CNOT4: variants seen among roughly 807,000 people sequenced by gnomAD.
The protein encoded by CNOT4 is CCR4-NOT transcription complex subunit 4, also known as CCR4-associated factor 4.
Under a neutral mutation model 73.8 loss-of-function variants are expected in CNOT4, and 8 were observed. That is an observed-to-expected ratio of 0.11 (90% CI 0.06 to 0.20). The LOEUF (loss-of-function observed/expected upper bound fraction) is 0.20, where lower values mean the gene tolerates loss of function less well. CNOT4 is among the 10% of genes least tolerant of loss of function. The probability of loss-of-function intolerance (pLI) is 1.00; values close to 1 mark genes in which losing one functional copy is unlikely to be tolerated. For synonymous variants in CNOT4, 293 were observed against 321.1 expected, an observed-to-expected ratio of 0.91 and a Z score of 0.94; for missense variants, 564 against 883.4, an observed-to-expected ratio of 0.64 and a Z score of 4.58.
At chr7:135,446,143 AG>A (rs1470481456) in intron 1 of CNOT4, among the ~76,000 whole-genome samples, 3 of 152,152 alleles carry the variant, frequency 2.0e-5, no homozygotes, top group Non-Finnish European at 4.4e-5. Flanking sequence ...AGGCTCCCAA[AG>A]TGCTGGGATT....
chr7:135,420,808 CTCTG>C (rs1198132320), intron 3 of CNOT4, among the ~76,000 whole-genome samples: 1 of 151,824 alleles, frequency 6.6e-6, no homozygotes, highest in Non-Finnish European at 1.5e-5. Flanking sequence ...GCAGGATTCT[CTCTG>C]TCTGGGGAAT....
chr7:135,482,405 A>C (rs1271537124), intron 1 of CNOT4, among the ~76,000 whole-genome samples: 1 of 151,940 alleles, frequency 6.6e-6, no homozygotes, highest in Non-Finnish European at 1.5e-5. Flanking sequence ...AAAAATTAAA[A>C]ATCGGTCAGG....
intron 1 of CNOT4, among the ~76,000 whole-genome samples, chr7:135,476,104 T>C (rs1801975950): frequency 6.6e-6 from 1 of 152,056 alleles, no homozygotes; most frequent in Admixed American, 6.6e-5. Context: ...GGTCAAAAAA[T>C]GTAGTAAAAA....
At position 135,364,053 on chromosome 7, in the gene CNOT4, A is replaced by G; in HGVS notation, c.1641T>C (p.Ser547=). 2 of 1,592,358 alleles carry G rather than the reference A, an allele frequency of 1.3e-6. No individual in the cohort carries two copies. Among genetic ancestry groups the G allele is most frequent in the Non-Finnish European group, 1.7e-6 (2 of 1,176,188 alleles). ...ATTCCTTCATATTTAAACTCTCTAC[A>G]GAACTGCTGTTGTCTGGGAGATTTA... ...GGIPVADNSS[S]VESLNMKEWQ... Residue 547 remains serine, a synonymous_variant, in exon 11 of 12, where the codon TCT becomes TCC. Transcript: ENST00000541284. The surrounding 1 kb of genome is among the most constrained non-coding windows in gnomAD (Gnocchi z 4.3).
At chr7:135,501,024 C>A (rs1179656313) in intron 1 of CNOT4, among the ~76,000 whole-genome samples, 1 of 146,416 alleles carries the variant, frequency 6.8e-6, no homozygotes, top group Non-Finnish European at 1.5e-5. Flanking sequence ...CATTCTGTAG[C>A]CCAGGCTGGA....
chr7:135,376,359 T>A (rs946077537), intron 10 of CNOT4, among the ~76,000 whole-genome samples: 4 of 152,196 alleles, frequency 2.6e-5, no homozygotes, highest in South Asian at 2.1e-4. Flanking sequence ...CTGCTTTTTT[T>A]TAATTTTAAT....
chr7:135,454,505 AATTAAAAAATT>A (rs1227031126), intron 1 of CNOT4, among the ~76,000 whole-genome samples: 2 of 97,924 alleles, frequency 2.0e-5, no homozygotes, highest in Non-Finnish European at 2.3e-5. Context: ...ATAAAAAATT[AATTAAAAAATT>A]AAAAAAAAAT....
chr7:135,391,727 C>T (rs1796411923), intron 10 of CNOT4, among the ~76,000 whole-genome samples: 1 of 152,030 alleles, frequency 6.6e-6, no homozygotes, highest in Non-Finnish European at 1.5e-5. Context: ...ATTACCAGTG[C>T]AGCATTCTGA....
At chr7:135,440,838 GAACCC>G (rs1799432402) in intron 1 of CNOT4, among the ~76,000 whole-genome samples, 1 of 151,574 alleles carries the variant, frequency 6.6e-6, no homozygotes, top group African/African-American at 2.4e-5. Flanking sequence ...AGAACTGCTT[GAACCC>G]AGGAGGCGGA....
At chr7:135,488,666 C>T (rs974693192) in intron 1 of CNOT4, among the ~76,000 whole-genome samples, 6 of 152,090 alleles carry the variant, frequency 3.9e-5, no homozygotes, top group Admixed American at 6.5e-5. Flanking sequence ...TCTCTTTCCT[C>T]GTATGTAACT....
rs140487600 is a variant in CNOT4, at chr7:135,364,303, T to C, written c.1628-237A>G. ...GGAGAGGGAGGTTCTTGTCTCTCTA[T>C]AGCCTCTTCACCATTATGGGTTTGT... On this transcript the variant is annotated intron_variant, in intron 10 of 11. Coordinates refer to ENST00000541284, the MANE Select transcript of CNOT4 (RefSeq NM_001190850.2). This position sits in a 1 kb window ranked among gnomAD's most constrained non-coding sequence, Gnocchi z 4.3. 3.9e-5 allele frequency among the ~76,000 whole-genome samples: 6 copies of C among 152,310 alleles called. No individual in the cohort carries two copies. Among genetic ancestry groups the C allele is most frequent in the African/African-American group, 1.4e-4 (6 of 41,584 alleles).
At chr7:135,476,450 C>T (rs999896111) in intron 1 of CNOT4, among the ~76,000 whole-genome samples, 1 of 152,124 alleles carries the variant, frequency 6.6e-6, no homozygotes, top group Non-Finnish European at 1.5e-5. Context: ...AACTATAAAA[C>T]ACTAATTTTA....
At chr7:135,496,303 G>C (rs562973280) in intron 1 of CNOT4, among the ~76,000 whole-genome samples, 2 of 152,266 alleles carry the variant, frequency 1.3e-5, no homozygotes, top group South Asian at 4.1e-4. Flanking sequence ...ATGTTGGCCA[G>C]GCTGGTCTCA....
chr7:135,466,644 TACTC>T (rs1801242538), intron 1 of CNOT4, among the ~76,000 whole-genome samples: 1 of 152,130 alleles, frequency 6.6e-6, no homozygotes, highest in Non-Finnish European at 1.5e-5. Context: ...CCTCAACACT[TACTC>T]ACCAACTCAT....
intron 10 of CNOT4, among the ~76,000 whole-genome samples, chr7:135,391,765 G>T (rs1280217812): frequency 3.3e-5 from 5 of 151,982 alleles, no homozygotes; most frequent in Non-Finnish European, 7.4e-5. Flanking sequence ...AAATATATGG[G>T]TTAAAACTAC....
intron 1 of CNOT4, among the ~76,000 whole-genome samples, chr7:135,499,485 A>T (rs554718464): frequency 1.5e-4 from 22 of 149,306 alleles, no homozygotes; most frequent in South Asian, 4.3e-4. Context: ...TGTATGAATT[A>T]AAAAAAAAAC....
At chr7:135,501,719 C>A (rs532831123) in intron 1 of CNOT4, among the ~76,000 whole-genome samples, 41 of 152,314 alleles carry the variant, frequency 2.7e-4, no homozygotes, top group African/African-American at 9.4e-4. Flanking sequence ...CATAATCTAG[C>A]TCTACCCTAC....
chr7:135,468,575 G>A (rs1266755477), intron 1 of CNOT4, among the ~76,000 whole-genome samples: 1 of 151,892 alleles, frequency 6.6e-6, no homozygotes, highest in East Asian at 1.9e-4. Context: ...CAGCTACTCA[G>A]GAGCCTGAGA....
intron 1 of CNOT4, among the ~76,000 whole-genome samples, chr7:135,474,029 G>T (rs1801818911): frequency 6.9e-6 from 1 of 145,262 alleles, no homozygotes; most frequent in Admixed American, 6.9e-5. Flanking sequence ...GCCCAGGCTG[G>T]AGTGCAATGG....
Sources: gnomAD v4.1 joint callset for allele counts (sites outside exome capture counted in the v4.1 genomes callset) on GRCh38, gnomAD v4.1.1 for gene constraint, Gnocchi (gnomAD v3.1) non-coding constraint, MANE v1.5 for transcripts, NCBI Gene and HGNC (gene_info 2026-07-23, HGNC 2026-07-21) for gene names.